Variants in SMC5 observed in about 807,000 individuals in gnomAD.
SMC5 encodes the protein structural maintenance of chromosomes 5, also known as structural maintenance of chromosomes protein 5.
In SMC5, 88 loss-of-function variants were observed where a neutral mutation model predicts 148.3. That is an observed-to-expected ratio of 0.59 (90% CI 0.50 to 0.71). The LOEUF is 0.71. Ranked by LOEUF, SMC5 falls within the 30% of genes least tolerant of loss-of-function variation. SMC5 has a pLI of 0.00. For synonymous variants in SMC5, 421 were observed against 432.8 expected, an observed-to-expected ratio of 0.97 and a Z score of 0.34; for missense variants, 1,142 against 1,298.9, an observed-to-expected ratio of 0.88 and a Z score of 1.86.
chr9:70,315,275 G>T (rs1476146836), intron 12 of SMC5, among the ~76,000 whole-genome samples, 171 bp from the exon 13 acceptor site: 1 of 148,972 alleles, frequency 6.7e-6, no homozygotes, highest in Non-Finnish European at 1.5e-5. Flanking sequence ...AGCTTTTCTG[G>T]TAAGTGAATA....
At chr9:70,279,690 G>A (rs1012684282) in intron 5 of SMC5, among the ~76,000 whole-genome samples, 5 of 152,016 alleles carry the variant, frequency 3.3e-5, no homozygotes, top group Non-Finnish European at 5.9e-5. Flanking sequence ...GATGGTGGGC[G>A]CCTGTAATCC....
intron 1 of SMC5, among the ~76,000 whole-genome samples, chr9:70,260,159 T>G (rs1416482686): frequency 3.3e-5 from 5 of 151,472 alleles, no homozygotes; most frequent in African/African-American, 1.2e-4. Flanking sequence ...GGCTGGAAGG[T>G]AGTGGCGCAA....
chr9:70,337,741 C>G (rs2036400752), intron 17 of SMC5, among the ~76,000 whole-genome samples: 2 of 152,046 alleles, frequency 1.3e-5, no homozygotes, highest in Non-Finnish European at 2.9e-5. Flanking sequence ...CAGGTGTGAG[C>G]CACTACACCT....
chr9:70,304,513 C>T (rs1196852951), intron 10 of SMC5, among the ~76,000 whole-genome samples: 1 of 152,030 alleles, frequency 6.6e-6, no homozygotes, highest in East Asian at 1.9e-4. Context: ...ATGATTAAAC[C>T]CTGTCTCTAC....
At chr9:70,328,497 G>A (rs2036143048) in intron 17 of SMC5, among the ~76,000 whole-genome samples, 1 of 152,204 alleles carries the variant, frequency 6.6e-6, no homozygotes, top group East Asian at 1.9e-4. Flanking sequence ...CTCCCAAAAA[G>A]TCTTTGACTG....
chr9:70,303,465 A>G (rs2118451363), intron 10 of SMC5, among the ~76,000 whole-genome samples: 1 of 152,316 alleles, frequency 6.6e-6, no homozygotes, highest in East Asian at 1.9e-4. Flanking sequence ...GCGAAACAAT[A>G]GGCTGATTGT....
chr9:70,295,770 A>G (rs2035185744), intron 8 of SMC5, among the ~76,000 whole-genome samples: 3 of 152,130 alleles, frequency 2.0e-5, no homozygotes, highest in Non-Finnish European at 2.9e-5. Context: ...ACAACTTTAT[A>G]TGGTAGGCCA....
chr9:70,349,458 C>T (rs1242080748), intron 22 of SMC5, among the ~76,000 whole-genome samples: 1 of 152,212 alleles, frequency 6.6e-6, no homozygotes, highest in Non-Finnish European at 1.5e-5. Flanking sequence ...AGAGCATCCT[C>T]AGTTTTGGCA....
intron 8 of SMC5, among the ~76,000 whole-genome samples, chr9:70,296,276 A>C (rs555372018): frequency 6.6e-6 from 1 of 152,296 alleles, no homozygotes; most frequent in African/African-American, 2.4e-5. Context: ...AGTAAAAAGA[A>C]TATATATTCT....
intron 11 of SMC5, chr9:70,311,671 C>T (rs1007430809): frequency 2.0e-5 from 3 of 149,404 alleles, no homozygotes; most frequent in African/African-American, 7.4e-5. Context: ...ATGTTAGTAA[C>T]TTCTGATTAC....
intron 15 of SMC5, among the ~76,000 whole-genome samples, chr9:70,321,820 G>C (rs2035955054): frequency 6.6e-6 from 1 of 152,144 alleles, no homozygotes; most frequent in Admixed American, 6.6e-5. Flanking sequence ...AAGCTATTAG[G>C]GTTTCAAGTC....
At chr9:70,303,255 G>A (rs1197958159) in intron 10 of SMC5, among the ~76,000 whole-genome samples, 1 of 151,666 alleles carries the variant, frequency 6.6e-6, no homozygotes, top group East Asian at 1.9e-4. Context: ...AAACAATACA[G>A]TCTGGGAGAA....
chr9:70,326,536 G>A (rs1435189711), intron 17 of SMC5, among the ~76,000 whole-genome samples: 1 of 151,500 alleles, frequency 6.6e-6, no homozygotes. Context: ...AAGGATCAGG[G>A]AAAGTGATTA....
chr9:70,287,126 C>G (rs2034925773), intron 8 of SMC5, among the ~76,000 whole-genome samples: 1 of 152,126 alleles, frequency 6.6e-6, no homozygotes. Context: ...AAACTTTAGC[C>G]TACTGCAGGT....
At chr9:70,300,262 T>G in intron 10 of SMC5, 62 bp downstream of exon 10, 16 of 1,483,206 alleles carry the variant, frequency 1.1e-5, no homozygotes, top group Non-Finnish European at 1.4e-5. Flanking sequence ...GATTTTTGTT[T>G]TAAGACATTT....
intron 3 of SMC5, among the ~76,000 whole-genome samples, chr9:70,274,284 TGTTA>T (rs915123551): frequency 3.3e-5 from 5 of 152,148 alleles, no homozygotes; most frequent in African/African-American, 1.2e-4. Flanking sequence ...GGTTTCACCG[TGTTA>T]GCCAGGACGG....
intron 15 of SMC5, 30 bp from the exon 16 acceptor site, chr9:70,323,453 G>A: frequency 6.4e-7 from 1 of 1,560,688 alleles, no homozygotes; most frequent in Non-Finnish European, 8.6e-7. Flanking sequence ...GTTTAACACT[G>A]ATTTCTTCAT....
At chr9:70,277,833 A>C (rs1383495970) in intron 4 of SMC5, among the ~76,000 whole-genome samples, 1 of 151,822 alleles carries the variant, frequency 6.6e-6, no homozygotes, top group Non-Finnish European at 1.5e-5. Flanking sequence ...AGTCTACAAA[A>C]TATTTGATAT....
At chr9:70,274,175 G>A (rs766452237) in intron 3 of SMC5, among the ~76,000 whole-genome samples, 3 of 152,168 alleles carry the variant, frequency 2.0e-5, no homozygotes, top group Admixed American at 6.5e-5. Flanking sequence ...TCCGCCTCCC[G>A]GGTTCACGCC....
Sources: gnomAD v4.1 joint callset for allele counts (sites outside exome capture counted in the v4.1 genomes callset) on GRCh38, gnomAD v4.1.1 for gene constraint, MANE v1.5 for transcripts, NCBI Gene and HGNC (gene_info 2026-07-23, HGNC 2026-07-21) for gene names.